Variants in ZNF367 observed in about 807,000 individuals in gnomAD.
ZNF367 encodes C2H2 zinc finger protein ZFF29.
Under a neutral mutation model 31.8 loss-of-function variants are expected in ZNF367, and 11 were observed. The ratio of observed to expected loss-of-function variants is 0.35; its 90% CI spans 0.22 to 0.57. The LOEUF is 0.57. ZNF367 is among the 20% of genes least tolerant of loss of function. The pLI, the probability that ZNF367 is intolerant of heterozygous loss-of-function variation, is 0.85. For synonymous variants in ZNF367, 199 were observed against 202.4 expected (o/e 0.98, Z 0.14); for missense variants, 353 against 484.1 (o/e 0.73, Z 2.54).
chr9:96,388,500 A>G (rs753177619), intron 4 of ZNF367, 41 bp from the exon 5 acceptor site: 7 of 1,545,194 alleles, frequency 4.5e-6, no homozygotes, highest in Non-Finnish European at 6.1e-6. Context: ...GGCAGACATG[A>G]AATTTCCAAA....
At chr9:96,397,190 CTGAT>C (rs1250773993) in intron 2 of ZNF367, among the ~76,000 whole-genome samples, 3 of 152,042 alleles carry the variant, frequency 2.0e-5, no homozygotes, top group South Asian at 2.1e-4. Context: ...GTATGAGAGA[CTGAT>C]TGTAAGCCGG....
intron 1 of ZNF367, among the ~76,000 whole-genome samples, chr9:96,406,175 G>A (rs1831669031): frequency 6.6e-6 from 1 of 152,080 alleles, no homozygotes; most frequent in African/African-American, 2.4e-5. Context: ...CCAGTTAAGT[G>A]AACTTTCACA....
In ZNF367 at chr9:96,410,575, A is replaced by AC. The variant is rs1252319365; in HGVS notation, c.420+7037_420+7038insG. On this transcript the variant is annotated intron_variant, in intron 1 of 4. Transcript: ENST00000375256. The stretch of plus-strand genomic sequence containing the variant: ...AGACTCCGTCTCAAAAAAAAAAAAA[A>AC]AAAACAAAAAAAACCATAGACCAGG... Among the ~76,000 whole-genome samples, 55 of 147,584 alleles carry AC rather than the reference A, an allele frequency of 3.7e-4. 1 individual carries two copies. In the East Asian group the frequency reaches 6.8e-3, roughly 18 times the overall value.
At chr9:96,415,372 G>A (rs73536984) in intron 1 of ZNF367, among the ~76,000 whole-genome samples, 1 of 148,042 alleles carries the variant, frequency 6.8e-6, no homozygotes, top group East Asian at 2.1e-4. Flanking sequence ...GGTGGATACC[G>A]ATCCATCTTA....
chr9:96,411,527 C>G (rs1227052825), intron 1 of ZNF367, among the ~76,000 whole-genome samples: 1 of 151,936 alleles, frequency 6.6e-6, no homozygotes, highest in Non-Finnish European at 1.5e-5. Flanking sequence ...AGTGCCACTG[C>G]ACTCAGCCTG....
rs1249279372 is a variant in ZNF367, at chr9:96,387,971, T to A, written c.*266A>T. On this transcript the variant is annotated 3_prime_UTR_variant, in exon 5 of 5. Coordinates refer to ENST00000375256, the MANE Select transcript of ZNF367 (RefSeq NM_153695.4). ...CAATGAATGCATTAAACTTGCAAAATCTAGCTTCCCACAATATGTAGTTTT... is the reference window on the plus strand; with the variant it reads ...CAATGAATGCATTAAACTTGCAAAAACTAGCTTCCCACAATATGTAGTTTT... 2.2e-5 allele frequency: 8 copies of A among 369,148 alleles called. No homozygotes were observed. Among genetic ancestry groups the A allele is most frequent in the Non-Finnish European group, 3.8e-5 (8 of 208,446 alleles). 22.9% of individuals were successfully genotyped at this position (369,148 alleles called of 1,614,324 possible). A position where few individuals can be genotyped will look rare whatever the true frequency, so the allele number is the denominator to read the frequency against.
At chr9:96,410,509 C>G (rs1186258475) in intron 1 of ZNF367, among the ~76,000 whole-genome samples, 1 of 147,584 alleles carries the variant, frequency 6.8e-6, no homozygotes, top group Non-Finnish European at 1.5e-5. Flanking sequence ...TTGCAGTGAG[C>G]CGAGATGGCA....
chr9:96,402,975 C>CA (rs1831626804), intron 1 of ZNF367, among the ~76,000 whole-genome samples: 1 of 147,120 alleles, frequency 6.8e-6, no homozygotes, highest in African/African-American at 2.5e-5. Context: ...AAACAACACA[C>CA]TTTTTTTTTT....
chr9:96,387,615 T>C lies in ZNF367; in HGVS notation c.*622A>G, dbSNP rs1296930319. 1 of 152,196 alleles carries C rather than the reference T, an allele frequency of 6.6e-6. No individual in the cohort carries two copies. Among genetic ancestry groups the C allele is most frequent in the Admixed American group, 6.5e-5 (1 of 15,280 alleles). The allele number at this position is 152,196 out of a possible 1,614,324, so 9.4% of individuals were successfully genotyped here. On this transcript the variant is annotated 3_prime_UTR_variant, in exon 5 of 5. Transcript: ENST00000375256. The stretch of plus-strand genomic sequence containing the variant: ...CCAGATAGAATAAGACTGATTTTGC[T>C]CCAATTTCAAAAATTCTGAACTATT...
chr9:96,411,261 A>G (rs1185432443), intron 1 of ZNF367, among the ~76,000 whole-genome samples: 2 of 152,122 alleles, frequency 1.3e-5, no homozygotes, highest in Non-Finnish European at 2.9e-5. Flanking sequence ...TACATATGTA[A>G]GAAAGGCTGG....
chr9:96,395,401 G>C (rs1390867439), intron 2 of ZNF367, among the ~76,000 whole-genome samples: 1 of 152,008 alleles, frequency 6.6e-6, no homozygotes, highest in Non-Finnish European at 1.5e-5. Flanking sequence ...ATACCAACTA[G>C]CTCCTGAACC....
chr9:96,405,440 A>G (rs1010254759), intron 1 of ZNF367, among the ~76,000 whole-genome samples: 1 of 152,122 alleles, frequency 6.6e-6, no homozygotes, highest in African/African-American at 2.4e-5. Context: ...AAAAAGGAAA[A>G]TAAGTAGGAA....
At chr9:96,407,726 T>G in intron 1 of ZNF367, 1 of 1,369,068 alleles carries the variant, frequency 7.3e-7, no homozygotes, top group Non-Finnish European at 1.0e-6. Context: ...AAGAGGATAG[T>G]TACTAACGTG....
chr9:96,396,181 A>T (rs991605400), intron 2 of ZNF367, among the ~76,000 whole-genome samples: 2 of 152,178 alleles, frequency 1.3e-5, no homozygotes, highest in East Asian at 3.9e-4. Flanking sequence ...ACAGTGAGGT[A>T]GTGGTGATCA....
At position 96,417,698 on chromosome 9, in the gene ZNF367, G is replaced by C; in HGVS notation, c.335C>G (p.Pro112Arg). The C allele has an allele frequency of 8.6e-7, 1 of 1,165,994 alleles. No homozygotes were observed. The highest frequency in any genetic ancestry group is 1.1e-6 in the Non-Finnish European group (1 of 935,612). The allele number at this position is 1,165,994 out of a possible 1,614,324, so 72.2% of individuals were successfully genotyped here. The change falls in exon 1 of 5, where the codon CCC (proline) becomes CGC (arginine). Residue 112 changes from proline (P) to arginine (R), a missense_variant. Coordinates refer to ENST00000375256, the MANE Select transcript of ZNF367 (RefSeq NM_153695.4). The surrounding 1 kb of genome is among the most constrained non-coding windows in gnomAD (Gnocchi z 5.0). ...EHSGLRGRGA[P>R]PPAASASAAA... ...GGCGGAGGCCGAGGCGGCGGGCGGG[G>C]GCGCGCCCCGGCCACGAAGCCCCGA...
intron 3 of ZNF367, among the ~76,000 whole-genome samples, chr9:96,393,305 C>T (rs549153472): frequency 1.3e-5 from 2 of 152,174 alleles, no homozygotes; most frequent in South Asian, 4.1e-4. Flanking sequence ...GGGTGGATCA[C>T]CTGAGGTCAG....
chr9:96,414,072 A>G (rs1168887226), intron 1 of ZNF367, among the ~76,000 whole-genome samples: 1 of 152,188 alleles, frequency 6.6e-6, no homozygotes, highest in African/African-American at 2.4e-5. Context: ...CAAAACAGTA[A>G]AACAGGCTGG....
At chr9:96,414,709 C>G (rs1456832454) in intron 1 of ZNF367, among the ~76,000 whole-genome samples, 2 of 152,172 alleles carry the variant, frequency 1.3e-5, no homozygotes, top group African/African-American at 2.4e-5. Context: ...ATCTCTTGAC[C>G]TCGTGACCAG....
In ZNF367 at chr9:96,417,799, G is replaced by A. The variant is rs779329327; in HGVS notation, c.234C>T (p.His78=). ...CGGCCCCAGGGCTGAGCGTCACGTT[G>A]TGTGCGTTCTCGCCCCAGCGCCACG... ...VYPWRWGENA[H]NVTLSPGAAG... is the part of the protein sequence containing the mutation. The change falls in exon 1 of 5, where the codon CAC becomes CAT. Residue 78 remains histidine, a synonymous_variant. Coordinates refer to ENST00000375256, the MANE Select transcript of ZNF367 (RefSeq NM_153695.4). The surrounding 1 kb of genome is among the most constrained non-coding windows in gnomAD (Gnocchi z 5.0). 2.9e-6 allele frequency: 4 copies of A among 1,373,666 alleles called. No individual in the cohort carries two copies. The highest frequency in any genetic ancestry group is 3.8e-6 in the Non-Finnish European group (4 of 1,062,884). 85.1% of individuals were successfully genotyped at this position (1,373,666 alleles called of 1,614,324 possible).
Sources: allele counts gnomAD v4.1 joint callset (sites outside exome capture counted in the v4.1 genomes callset), GRCh38; gene constraint gnomAD v4.1.1; non-coding constraint Gnocchi (gnomAD v3.1); transcripts MANE v1.5; gene names NCBI Gene and HGNC (gene_info 2026-07-23, HGNC 2026-07-21).